The following KLF12 variants were observed in gnomAD, a reference collection of about 807,000 sequenced individuals.
KLF12 encodes KLF transcription factor 12.
In KLF12, 9 loss-of-function variants were observed where a neutral mutation model predicts 37.8. The ratio of observed to expected loss-of-function variants is 0.24; its 90% CI spans 0.14 to 0.42. The LOEUF (loss-of-function observed/expected upper bound fraction) is 0.42. KLF12 is among the 10% of genes least tolerant of loss of function. KLF12 has a pLI of 1.00. For missense variants in KLF12, 411 were observed against 516.0 expected (o/e 0.80, Z 1.97); for synonymous variants, 208 against 202.1 (o/e 1.03, Z -0.25).
At chr13:73,871,905 A>C (rs190540790) in intron 3 of KLF12, among the ~76,000 whole-genome samples, 1 of 152,322 alleles carries the variant, frequency 6.6e-6, no homozygotes, top group East Asian at 1.9e-4. Flanking sequence ...AATGACATTC[A>C]ATAAATCTTG....
At chr13:74,253,110 A>G in the KLF12 span, among the ~76,000 whole-genome samples, 1 of 152,280 alleles carries the variant, frequency 6.6e-6, no homozygotes, top group South Asian at 2.1e-4. Flanking sequence ...CTATCCACCC[A>G]TTCATCATCT....
At chr13:73,980,550 T>C (rs1000832809) in intron 2 of KLF12, among the ~76,000 whole-genome samples, 2 of 151,988 alleles carry the variant, frequency 1.3e-5, no homozygotes, top group African/African-American at 4.8e-5. Context: ...AAATATTAAA[T>C]CAAAATAAAA....
At chr13:73,814,317 T>C (rs150438348) in intron 4 of KLF12, among the ~76,000 whole-genome samples, 8 of 152,320 alleles carry the variant, frequency 5.3e-5, no homozygotes, top group African/African-American at 1.9e-4. Context: ...CATTTCATAA[T>C]TTCATTTTTT....
chr13:73,957,339 A>G (rs990188905), intron 2 of KLF12, among the ~76,000 whole-genome samples: 1 of 152,220 alleles, frequency 6.6e-6, no homozygotes, highest in East Asian at 1.9e-4. Flanking sequence ...AGTTTCTCCA[A>G]CAAACAAGTG....
the KLF12 span, among the ~76,000 whole-genome samples, chr13:74,185,619 T>C: frequency 6.6e-6 from 1 of 152,158 alleles, no homozygotes; most frequent in Non-Finnish European, 1.5e-5. Flanking sequence ...GTGTCAACAT[T>C]GGCCAGATTA....
the KLF12 span, among the ~76,000 whole-genome samples, chr13:74,229,997 C>T: frequency 2.0e-5 from 3 of 150,730 alleles, no homozygotes; most frequent in Admixed American, 1.3e-4. Flanking sequence ...AGGTACATTA[C>T]TTAGTTTCTC....
At chr13:74,224,738 A>G in the KLF12 span, among the ~76,000 whole-genome samples, 1 of 152,280 alleles carries the variant, frequency 6.6e-6, no homozygotes, top group Non-Finnish European at 1.5e-5. Context: ...CCAGTTCTTA[A>G]TAAGTAGTAT....
At chr13:74,025,407 A>G (rs890467788) in intron 1 of KLF12, among the ~76,000 whole-genome samples, 5 of 152,208 alleles carry the variant, frequency 3.3e-5, no homozygotes, top group Non-Finnish European at 5.9e-5. Flanking sequence ...TAAGGGAAGA[A>G]GTCTCTGTTG....
the KLF12 span, among the ~76,000 whole-genome samples, chr13:74,197,406 T>C: frequency 1.3e-5 from 2 of 152,066 alleles, no homozygotes; most frequent in African/African-American, 4.8e-5. Flanking sequence ...AAAGTTAAAA[T>C]TTCAAGAGTG....
the KLF12 span, among the ~76,000 whole-genome samples, chr13:74,247,257 C>G: frequency 6.6e-6 from 1 of 152,118 alleles, no homozygotes; most frequent in Admixed American, 6.5e-5. Flanking sequence ...ACCAAAAAGA[C>G]AATACAAGAT....
intron 2 of KLF12, among the ~76,000 whole-genome samples, chr13:73,976,011 C>A (rs1039100926): frequency 1.3e-5 from 2 of 152,034 alleles, no homozygotes; most frequent in Non-Finnish European, 2.9e-5. Flanking sequence ...ACTAGTAAAC[C>A]CCATGCAGGC....
intron 3 of KLF12, among the ~76,000 whole-genome samples, chr13:73,902,262 A>G (rs956014892): frequency 6.6e-6 from 1 of 152,220 alleles, no homozygotes; most frequent in Non-Finnish European, 1.5e-5. Context: ...ACAGGAGAGT[A>G]TAAAAAATGT....
intron 7 of KLF12, among the ~76,000 whole-genome samples, chr13:73,698,926 T>C (rs1874342750): frequency 6.6e-6 from 1 of 152,122 alleles, no homozygotes; most frequent in African/African-American, 2.4e-5. Flanking sequence ...TGAGGGAATG[T>C]TTTAGTTACA....
At chr13:73,796,180 T>A (rs190142813) in intron 5 of KLF12, among the ~76,000 whole-genome samples, 1 of 152,206 alleles carries the variant, frequency 6.6e-6, no homozygotes, top group Non-Finnish European at 1.5e-5. Flanking sequence ...TGTACAGAAA[T>A]GACCTTCACT....
intron 3 of KLF12, among the ~76,000 whole-genome samples, chr13:73,874,697 T>A (rs1886622786): frequency 6.6e-6 from 1 of 152,226 alleles, no homozygotes; most frequent in South Asian, 2.1e-4. Context: ...TTACCTTGAG[T>A]GAAACCATTA....
chr13:74,209,522 T>TCACACACA, the KLF12 span, among the ~76,000 whole-genome samples: 6,500 of 145,914 alleles, frequency 0.045, 151 homozygotes, highest in Middle Eastern at 0.072. Context: ...AACATCTTAG[T>TCACACACA]CACACACACA....
intron 5 of KLF12, among the ~76,000 whole-genome samples, chr13:73,767,498 C>T (rs1418574989): frequency 6.6e-6 from 1 of 152,154 alleles, no homozygotes; most frequent in African/African-American, 2.4e-5. Flanking sequence ...CCACGCTGAA[C>T]AAAAGGGCAA....
intron 4 of KLF12, among the ~76,000 whole-genome samples, chr13:73,825,063 C>G (rs1325038252): frequency 4.2e-5 from 6 of 143,534 alleles, no homozygotes; most frequent in Non-Finnish European, 6.1e-5. Context: ...GAGCAAAACT[C>G]CGCCTCAAAA....
chr13:74,173,747 A>T, the KLF12 span, among the ~76,000 whole-genome samples: 1 of 152,172 alleles, frequency 6.6e-6, no homozygotes, highest in South Asian at 2.1e-4. Context: ...TATGGCAGTT[A>T]CCTTATCCAG....
Sources: allele counts gnomAD v4.1 joint callset (sites outside exome capture counted in the v4.1 genomes callset), GRCh38; gene constraint gnomAD v4.1.1; transcripts MANE v1.5; gene names NCBI Gene and HGNC (gene_info 2026-07-23, HGNC 2026-07-21).